Variants in PRR33 observed in about 807,000 individuals in gnomAD.
PRR33 encodes proline rich 33, also known as proline-rich protein 33.
In PRR33, 1 loss-of-function variant was observed where a neutral mutation model predicts 0.5. That is an observed-to-expected ratio of 2.18 (90% CI 0.77 to 10.34). The LOEUF (loss-of-function observed/expected upper bound fraction) is 10.34. PRR33 is among the 30% of genes most tolerant of loss of function. The pLI is 0.13. For missense variants in PRR33, 552 were observed against 251.8 expected, an observed-to-expected ratio of 2.19 and a Z score of -8.07; for synonymous variants, 226 against 110.0, an observed-to-expected ratio of 2.06 and a Z score of -6.60.
At chr11:1,912,690 C>T in the PRR33 span, among the ~76,000 whole-genome samples, 7 of 152,006 alleles carry the variant, frequency 4.6e-5, no homozygotes, top group South Asian at 6.2e-4. Context: ...CCGCAACCTC[C>T]GCTTCCTGGG....
the PRR33 span, among the ~76,000 whole-genome samples, chr11:1,912,112 G>T: frequency 6.6e-6 from 1 of 151,158 alleles, no homozygotes; most frequent in Non-Finnish European, 1.5e-5. Context: ...GTTTGAGGCT[G>T]CAGTGAGCCA....
chr11:1,890,352 ACCT>A (rs1848946342), exon 1 of PRR33: 2 of 715,282 alleles, frequency 2.8e-6, no homozygotes, highest in Non-Finnish European at 2.6e-6. Context: ...CGGGGCTGTG[ACCT>A]CCTGGTCATG....
At chr11:1,894,929 G>A (rs1418726826), upstream of PRR33, among the ~76,000 whole-genome samples, 1 of 152,148 alleles carries the variant, frequency 6.6e-6, no homozygotes, top group Non-Finnish European at 1.5e-5. Context: ...GGTTCATCTC[G>A]CTGACTTTGG....
At chr11:1,904,986 C>T in the PRR33 span, among the ~76,000 whole-genome samples, 1 of 151,816 alleles carries the variant, frequency 6.6e-6, no homozygotes. Flanking sequence ...CAATTTTGTT[C>T]TATTATTTAT....
chr11:1,906,197 C>A, the PRR33 span, among the ~76,000 whole-genome samples: 1 of 152,140 alleles, frequency 6.6e-6, no homozygotes, highest in Non-Finnish European at 1.5e-5. Flanking sequence ...AGGTTAGAGT[C>A]TGTCACCTTG....
At chr11:1,893,425 A>ATGGCTGGC (rs1302621810), upstream of PRR33, among the ~76,000 whole-genome samples, 4 of 142,760 alleles carry the variant, frequency 2.8e-5, no homozygotes, top group African/African-American at 5.3e-5. Flanking sequence ...GGGTGGGAGG[A>ATGGCTGGC]TGGCTGGCTG....
the PRR33 span, chr11:1,907,884 T>C: frequency 6.6e-6 from 1 of 152,212 alleles, no homozygotes; most frequent in East Asian, 1.9e-4. Context: ...CCAGACTCCC[T>C]CGACCGTGCC....
chr11:1,890,266 T>C (rs1042659227), exon 1 of PRR33: 25 of 712,692 alleles, frequency 3.5e-5, no homozygotes, highest in East Asian at 2.7e-4. Flanking sequence ...GCAGCCACCA[T>C]GCGGGGAGCC....
chr11:1,897,875 T>C, the PRR33 span, among the ~76,000 whole-genome samples: 5 of 152,194 alleles, frequency 3.3e-5, no homozygotes, highest in Admixed American at 1.3e-4. The surrounding 1 kb of genome is among the most constrained non-coding windows in gnomAD (Gnocchi z 4.0). Context: ...AGACGAGTAT[T>C]ATGACCATCA....
upstream of PRR33, among the ~76,000 whole-genome samples, chr11:1,894,451 G>T (rs1172078015): frequency 6.6e-6 from 1 of 152,112 alleles, no homozygotes; most frequent in East Asian, 1.9e-4. Context: ...GCCCAGGCTG[G>T]CTTCAAACTC....
the PRR33 span, among the ~76,000 whole-genome samples, chr11:1,916,140 A>G: frequency 6.6e-6 from 1 of 152,060 alleles, no homozygotes; most frequent in Non-Finnish European, 1.5e-5. Flanking sequence ...TGTGTGAAAT[A>G]GCAGACAGCC....
chr11:1,889,278 A>T (rs1197040754), exon 1 of PRR33: 3 of 695,670 alleles, frequency 4.3e-6, no homozygotes, highest in Non-Finnish European at 8.0e-6. Context: ...AGGCCGGTAC[A>T]GGAAGGGCAG....
At chr11:1,889,909 C>T in exon 1 of PRR33, 1 of 626,558 alleles carries the variant, frequency 1.6e-6, no homozygotes, top group East Asian at 2.7e-5. Flanking sequence ...CGGATGTGAG[C>T]CACTGGGACC....
the PRR33 span, among the ~76,000 whole-genome samples, chr11:1,910,758 G>A: frequency 1.3e-5 from 2 of 152,194 alleles, no homozygotes; most frequent in South Asian, 4.1e-4. Flanking sequence ...GTGTTCTGCA[G>A]AAATGAACTT....
At chr11:1,904,348 G>T in the PRR33 span, among the ~76,000 whole-genome samples, 1 of 151,964 alleles carries the variant, frequency 6.6e-6, no homozygotes, top group Non-Finnish European at 1.5e-5. Flanking sequence ...GGGCAACACG[G>T]TGAAACCCCG....
chr11:1,899,258 A>G, the PRR33 span, among the ~76,000 whole-genome samples: 1 of 152,042 alleles, frequency 6.6e-6, no homozygotes, highest in Non-Finnish European at 1.5e-5. Context: ...AAAATCTCCA[A>G]TGGGGCTGCA....
chr11:1,901,618 C>T, the PRR33 span, among the ~76,000 whole-genome samples: 45 of 152,252 alleles, frequency 3.0e-4, no homozygotes, highest in East Asian at 8.5e-3. Context: ...AAAAAGATAA[C>T]TCTTAGGTGA....
chr11:1,900,774 C>A, the PRR33 span, among the ~76,000 whole-genome samples: 1 of 152,186 alleles, frequency 6.6e-6, no homozygotes, highest in Admixed American at 6.5e-5. Context: ...ATGACGTATT[C>A]ACAAACAATA....
At chr11:1,902,186 C>T in the PRR33 span, among the ~76,000 whole-genome samples, 6 of 150,646 alleles carry the variant, frequency 4.0e-5, no homozygotes, top group Non-Finnish European at 5.9e-5. Context: ...GAGCAGAGAT[C>T]GCGCCACTGC....
Sources: gnomAD v4.1 joint callset for allele counts (sites outside exome capture counted in the v4.1 genomes callset) on GRCh38, gnomAD v4.1.1 for gene constraint, Gnocchi (gnomAD v3.1) non-coding constraint, MANE v1.5 for transcripts, NCBI Gene and HGNC (gene_info 2026-07-23, HGNC 2026-07-21) for gene names.